Variants in SIM2 observed in about 807,000 individuals in gnomAD.
SIM2 encodes the protein single-minded homolog 2.
In SIM2, 28 loss-of-function variants were observed where a neutral mutation model predicts 64.8. The observed-to-expected ratio is 0.43, with a 90% confidence interval of 0.32 to 0.59. The LOEUF (loss-of-function observed/expected upper bound fraction) is 0.59, where lower values mean the gene tolerates loss of function less well. SIM2 is among the 20% of genes least tolerant of loss of function. The probability of loss-of-function intolerance (pLI) is 0.07; values close to 1 mark genes in which losing one functional copy is unlikely to be tolerated. For synonymous variants in SIM2, 408 were observed against 391.1 expected (o/e 1.04, Z -0.51); for missense variants, 847 against 871.4 (o/e 0.97, Z 0.35).
chr21:36,709,500 A>C (rs1601688396), intron 2 of SIM2: 2 of 654,308 alleles, frequency 3.1e-6, no homozygotes, highest in East Asian at 3.0e-5. Flanking sequence ...TCCCCAGGCC[A>C]CCTGAGACCT....
chr21:36,744,717 T>C lies in SIM2; in HGVS notation c.1168-11T>C. The C allele has an allele frequency of 6.3e-7, 1 of 1,580,094 alleles. No individual in the cohort carries two copies. Among genetic ancestry groups the C allele is most frequent in the East Asian group, 2.3e-5 (1 of 43,482 alleles). On this transcript the variant is annotated splice_polypyrimidine_tract_variant and intron_variant, in intron 9 of 10. Transcript: ENST00000290399. ...CTCGCTGGCCCTTCATCCATCTTCT[T>C]TGCCATGCAGCAATACAGCTCGTTC...
chr21:36,745,406 C>T lies in SIM2; in HGVS notation c.1576+270C>T. The T allele has an allele frequency of 7.5e-7, 1 of 1,336,158 alleles. No homozygotes were observed. Among genetic ancestry groups the T allele is most frequent in the Non-Finnish European group, 9.7e-7 (1 of 1,030,716 alleles). The allele number at this position is 1,336,158 out of a possible 1,614,324, so 82.8% of individuals were successfully genotyped here. A position where few individuals can be genotyped will look rare whatever the true frequency, so the allele number is the denominator to read the frequency against. Reference sequence around the variant, plus strand: ...CGAGTATCTGGCCTTCACGTAAATCCTGGCCACATTCACCAACCAAAGGGG... The same window carrying T: ...CGAGTATCTGGCCTTCACGTAAATCTTGGCCACATTCACCAACCAAAGGGG... On this transcript the variant is annotated intron_variant, in intron 10 of 10. Transcript: ENST00000290399. This position sits in a 1 kb window ranked among gnomAD's most constrained non-coding sequence, Gnocchi z 4.8.
At chr21:36,708,065 G>C (rs1475266806) in intron 1 of SIM2, among the ~76,000 whole-genome samples, 1 of 152,212 alleles carries the variant, frequency 6.6e-6, no homozygotes, top group Non-Finnish European at 1.5e-5. Flanking sequence ...CGTGGGCCGG[G>C]AGACGCCGGG....
chr21:36,701,062 C>T (rs2088487141), intron 1 of SIM2, among the ~76,000 whole-genome samples: 1 of 152,206 alleles, frequency 6.6e-6, no homozygotes, highest in Admixed American at 6.5e-5. Flanking sequence ...CTGCTCCCAG[C>T]GGGGTCGCTG....
rs567172124 is a variant in SIM2 at position 36,712,379 on chromosome 21, C to T, written c.259-154C>T. Among the ~76,000 whole-genome samples, 183 of 152,308 alleles carry T rather than the reference C, an allele frequency of 1.2e-3. 2 individuals are homozygous for T. Among genetic ancestry groups the T allele is most frequent in the African/African-American group, 4.3e-3 (178 of 41,558 alleles). On this transcript the variant is annotated intron_variant, in intron 2 of 10. Transcript: ENST00000290399. The stretch of plus-strand genomic sequence containing the variant: ...AACCCTGGGTGCTGTTTCCTACAGT[C>T]CTTTTTAAGACCCTGGGCTTCATTT...
intron 7 of SIM2, among the ~76,000 whole-genome samples, chr21:36,737,658 C>T (rs1235054069): frequency 1.3e-5 from 2 of 152,184 alleles, no homozygotes; most frequent in African/African-American, 4.8e-5. Context: ...TGGGCCAAGC[C>T]CAGACCACAA....
At chr21:36,713,788 A>G (rs1414586114) in intron 3 of SIM2, among the ~76,000 whole-genome samples, 2 of 152,236 alleles carry the variant, frequency 1.3e-5, no homozygotes, top group East Asian at 1.9e-4. Flanking sequence ...CTTCTGATGT[A>G]TGGATATCCT....
At chr21:36,743,340 G>A in intron 8 of SIM2, 47 bp from the exon 9 acceptor site, 2 of 1,552,506 alleles carry the variant, frequency 1.3e-6, no homozygotes, top group Non-Finnish European at 1.7e-6. Flanking sequence ...AAGCTGCTCG[G>A]CCTCCAGCGC....
intron 1 of SIM2, among the ~76,000 whole-genome samples, chr21:36,705,904 A>G (rs1042668512): frequency 6.6e-6 from 1 of 152,236 alleles, no homozygotes; most frequent in African/African-American, 2.4e-5. Context: ...TTCCTACCAC[A>G]GTCCAGGCCC....
At chr21:36,744,416 GAAATAAAGAAAGAAAGAAAAAC>G (rs1230968428) in intron 9 of SIM2, among the ~76,000 whole-genome samples, 1 of 150,746 alleles carries the variant, frequency 6.6e-6, no homozygotes, top group Admixed American at 6.6e-5. Flanking sequence ...AAAGAAAAAA[GAAATAAAGAAAGAAAGAAAAAC>G]AAAGAAAGAA....
At chr21:36,723,993 A>G (rs1179179993) in intron 5 of SIM2, among the ~76,000 whole-genome samples, 1 of 152,206 alleles carries the variant, frequency 6.6e-6, no homozygotes, top group Non-Finnish European at 1.5e-5. Context: ...ACCCATCAAT[A>G]TGAGGCTGAA....
At chr21:36,741,001 G>A (rs749505175) in intron 7 of SIM2, among the ~76,000 whole-genome samples, 24 of 152,288 alleles carry the variant, frequency 1.6e-4, no homozygotes, top group Non-Finnish European at 2.4e-4. Context: ...CCTGGAAGGC[G>A]GTGAGGTGGA....
intron 9 of SIM2, 125 bp downstream of exon 9, chr21:36,743,680 G>A: frequency 1.1e-6 from 1 of 939,426 alleles, no homozygotes; most frequent in East Asian, 2.6e-5. Context: ...GTGGAGCAAG[G>A]TCCCTCTGGG....
At chr21:36,715,416 G>A (rs1601692416) in intron 3 of SIM2, among the ~76,000 whole-genome samples, 1 of 152,162 alleles carries the variant, frequency 6.6e-6, no homozygotes, top group African/African-American at 2.4e-5. Flanking sequence ...TATCAAGCAT[G>A]AGACCTTTAT....
chr21:36,717,265 A>ACAT (rs991836727), intron 3 of SIM2, among the ~76,000 whole-genome samples: 20 of 152,328 alleles, frequency 1.3e-4, no homozygotes, highest in Admixed American at 5.9e-4. Context: ...TCCCGAAAAC[A>ACAT]CATCAGTTAC....
rs2089192122 is a variant in SIM2, at chr21:36,743,575, G to A, written c.1167+20G>A. 1 of 1,608,900 alleles carries A rather than the reference G, an allele frequency of 6.2e-7. No individual in the cohort carries two copies. Among genetic ancestry groups the A allele is most frequent in the South Asian group, 1.1e-5 (1 of 90,060 alleles). On this transcript the variant is annotated intron_variant, in intron 9 of 10. Coordinates refer to ENST00000290399, the MANE Select transcript of SIM2 (RefSeq NM_005069.6). ...CCACAGGTAACACGCATGTCCTGCA[G>A]TTTTGGGGTGCTGACATCTATCCTA...
At chr21:36,718,565 A>G (rs2088776560) in intron 3 of SIM2, among the ~76,000 whole-genome samples, 1 of 152,180 alleles carries the variant, frequency 6.6e-6, no homozygotes. Flanking sequence ...GGAATTCTCC[A>G]GACCTACCCA....
At position 36,707,102 on chromosome 21, in the gene SIM2, C is replaced by A. The variant is rs116523341; in HGVS notation, c.176-2066C>A. Among the ~76,000 whole-genome samples, 873 of 152,332 alleles carry A rather than the reference C, an allele frequency of 5.7e-3. 3 individuals are homozygous for A. Among genetic ancestry groups the A allele is most frequent in the African/African-American group, 0.019 (788 of 41,556 alleles). The stretch of plus-strand genomic sequence containing the variant: ...AGCCAGGGCCCAGAGGCCACGCTCA[C>A]CGTTAACACTGCACAGGGCAAAGGT... On this transcript the variant is annotated intron_variant, in intron 1 of 10. Transcript: ENST00000290399.
At chr21:36,746,818 T>G (rs2089233016) in intron 10 of SIM2, among the ~76,000 whole-genome samples, 1 of 152,210 alleles carries the variant, frequency 6.6e-6, no homozygotes, top group African/African-American at 2.4e-5. Flanking sequence ...CCACTTGAGA[T>G]TGACTTGAAT....
Sources: allele counts gnomAD v4.1 joint callset (sites outside exome capture counted in the v4.1 genomes callset), GRCh38; gene constraint gnomAD v4.1.1; non-coding constraint Gnocchi (gnomAD v3.1); transcripts MANE v1.5; gene names NCBI Gene and HGNC (gene_info 2026-07-23, HGNC 2026-07-21).